The following SERPIND1 variants were observed in gnomAD, a reference collection of about 807,000 sequenced individuals.
SERPIND1 encodes the protein heparin cofactor 2.
A neutral mutation model predicts 35.0 loss-of-function variants in SERPIND1; 34 were observed. The ratio of observed to expected loss-of-function variants is 0.97; its 90% CI spans 0.74 to 1.29. The LOEUF is 1.29. Ranked by LOEUF, SERPIND1 falls within the 50% of genes most tolerant of loss-of-function variation. The probability of loss-of-function intolerance (pLI) is 0.00; values close to 1 mark genes in which losing one functional copy is unlikely to be tolerated. For synonymous variants in SERPIND1, 236 were observed against 241.1 expected (o/e 0.98, Z 0.19); for missense variants, 633 against 637.7 (o/e 0.99, Z 0.08).
At chr22:20,784,364 C>T (rs1223290543) in intron 3 of SERPIND1, 119 bp downstream of exon 3, 2 of 1,305,980 alleles carry the variant, frequency 1.5e-6, no homozygotes, top group Non-Finnish European at 2.2e-6. Flanking sequence ...CCAAGAACTT[C>T]CATACAGGGC....
rs900371210 is a variant in SERPIND1, at chr22:20,786,047, T to C, written c.1207T>C (p.Tyr403His). Residue 403 changes from tyrosine (Y) to histidine (H), a missense_variant, in exon 4 of 5, where the codon TAC becomes CAC. By Grantham distance (83) the Tyr-to-His change is moderately conservative. Transcript: ENST00000215727. ...GCCGAAATTCAAGCTGGAGAAGAAC[T>C]ACAATCTAGTGGAGTCCCTGAAGTT... is the stretch of plus-strand genomic sequence containing the variant. ...LLPKFKLEKN[Y>H]NLVESLKLMG... The C allele has an allele frequency of 5.6e-5, 90 of 1,614,026 alleles. No individual in the cohort carries two copies. The highest frequency in any genetic ancestry group is 7.2e-5 in the Non-Finnish European group (85 of 1,180,032).
Position 20,787,583 on chromosome 22 carries a change from A to G in SERPIND1, c.*517A>G, listed in dbSNP as rs1934353142. 1 of 180,418 alleles carries G rather than the reference A, an allele frequency of 5.5e-6. No individual in the cohort carries two copies. The highest frequency in any genetic ancestry group is 5.4e-5 in the Admixed American group (1 of 18,646). The allele number at this position is 180,418 out of a possible 1,614,324, so 11.2% of individuals were successfully genotyped here. ...TGCCCTGGGCTAATGTTAGGGCTTA[A>G]TTTTCTCAAAGCCTGACCTTTCAAA... On this transcript the variant is annotated 3_prime_UTR_variant, in exon 5 of 5. Coordinates refer to ENST00000215727, the MANE Select transcript of SERPIND1 (RefSeq NM_000185.4).
Position 20,779,724 on chromosome 22 carries a change from T to C in SERPIND1, c.412T>C (p.Tyr138His), listed in dbSNP as rs770608188. Residue 138 changes from tyrosine to histidine, a missense_variant, in exon 2 of 5, where the codon TAC (tyrosine) becomes CAC (histidine). Transcript: ENST00000215727. ...CAACGCCAAGTTCGCTTTCAACCTC[T>C]ACCGAGTGCTGAAAGACCAGGTCAA... Reference protein sequence around the residue: ...ILNAKFAFNLYRVLKDQVNTF... With the variant: ...ILNAKFAFNLHRVLKDQVNTF... The C allele has an allele frequency of 6.2e-7, 1 of 1,614,234 alleles. No individual in the cohort carries two copies. The highest frequency in any genetic ancestry group is 2.2e-5 in the East Asian group (1 of 44,886).
chr22:20,786,082 C>G lies in SERPIND1; in HGVS notation c.1242C>G (p.Ile414Met). The G allele has an allele frequency of 6.2e-7, 1 of 1,614,124 alleles. No individual in the cohort carries two copies. The highest frequency in any genetic ancestry group is 8.5e-7 in the Non-Finnish European group (1 of 1,180,016). The stretch of plus-strand genomic sequence containing the variant: ...TGGAGTCCCTGAAGTTGATGGGGAT[C>G]AGGATGCTGTTTGACAAAAATGGCA... ...NLVESLKLMGIRMLFDKNGNM... is the reference protein window; with the variant it reads ...NLVESLKLMGMRMLFDKNGNM... Residue 414 changes from isoleucine (I) to methionine (M), a missense_variant, in exon 4 of 5, where the codon ATC becomes ATG. Transcript: ENST00000215727.
At chr22:20,777,216 TTTC>T (rs939167406) in intron 1 of SERPIND1, among the ~76,000 whole-genome samples, 1 of 151,316 alleles carries the variant, frequency 6.6e-6, no homozygotes, top group Non-Finnish European at 1.5e-5. Flanking sequence ...TTATTTTTCT[TTTC>T]TTTTTTTTTT....
chr22:20,784,428 G>C (rs190970174), intron 3 of SERPIND1, among the ~76,000 whole-genome samples, 183 bp downstream of exon 3: 32 of 152,224 alleles, frequency 2.1e-4, no homozygotes, highest in Middle Eastern at 3.4e-3. Context: ...TGATTAGAGA[G>C]CATTCATAAG....
At chr22:20,775,843 T>TG (rs1055552704) in intron 1 of SERPIND1, among the ~76,000 whole-genome samples, 4 of 152,126 alleles carry the variant, frequency 2.6e-5, no homozygotes, top group Admixed American at 6.6e-5. Context: ...GGAGGACACT[T>TG]GAAGTGTAGT....
rs186996599 is a variant in SERPIND1 at position 20,779,848 on chromosome 22, C to T, written c.536C>T (p.Ser179Leu). Residue 179 changes from serine (S) to leucine (L), a missense_variant, in exon 2 of 5, where the codon TCG becomes TTG. Physicochemically the swap from Ser to Leu is moderately radical, Grantham distance 145 (BLOSUM62 -2). Transcript: ENST00000215727. ...GGAGAGACCCATGAACAAGTGCACT[C>T]GATTTTGCATTTTAAAGACTTTGTT... is the stretch of plus-strand genomic sequence containing the variant. ...LKGETHEQVH[S>L]ILHFKDFVNA... 1.1e-5 allele frequency: 17 copies of T among 1,614,170 alleles called. No homozygotes were observed. In the East Asian group the frequency reaches 1.1e-4, roughly 11 times the overall value.
Position 20,779,099 on chromosome 22 carries a change from G to GT in SERPIND1, c.-16-195dup, listed in dbSNP as rs1933534078. 6 of 1,281,846 alleles carry GT rather than the reference G, an allele frequency of 4.7e-6. No homozygotes were observed. The South Asian group carries it at 8.5e-5, about 18-fold the overall frequency. 79.4% of individuals were successfully genotyped at this position (1,281,846 alleles called of 1,614,324 possible). The stretch of plus-strand genomic sequence containing the variant: ...AGGGGCCCACAGATCCTTCATTGAG[G>GT]TTTATGAGTCCCACATCAAAGGTTG... On this transcript the variant is annotated intron_variant, in intron 1 of 4. Transcript: ENST00000215727.
Position 20,786,790 on chromosome 22 carries a change from T to C in SERPIND1, c.1309-85T>C, listed in dbSNP as rs576855585. 4.1e-4 allele frequency: 549 copies of C among 1,342,068 alleles called. 1 individual carries two copies. The highest frequency in any genetic ancestry group is 2.4e-4 in the Non-Finnish European group (227 of 934,060). 83.1% of individuals were successfully genotyped at this position (1,342,068 alleles called of 1,614,324 possible). A position where few individuals can be genotyped will look rare whatever the true frequency, so the allele number is the denominator to read the frequency against. On this transcript the variant is annotated intron_variant, in intron 4 of 4. Transcript: ENST00000215727. ...CCTTACATGTTGTCTTTGGATCCTT[T>C]CCCTGAATGATATGAGATTGTGCTG... is the stretch of plus-strand genomic sequence containing the variant.
In SERPIND1 at chr22:20,786,892, G is replaced by C. The variant is rs770881141; in HGVS notation, c.1326G>C (p.Thr442=). The change falls in exon 5 of 5, where the codon ACG becomes ACC. Residue 442 remains threonine (T), a synonymous_variant. Coordinates refer to ENST00000215727, the MANE Select transcript of SERPIND1 (RefSeq NM_000185.4). ...IAIDLFKHQG[T]ITVNEEGTQA... ...CCAAACAGTTCAAGCACCAAGGCAC[G>C]ATCACAGTGAACGAGGAAGGCACCC... 3.1e-6 allele frequency: 5 copies of C among 1,614,148 alleles called. No individual in the cohort carries two copies. The highest frequency in any genetic ancestry group is 3.4e-6 in the Non-Finnish European group (4 of 1,180,034).
In SERPIND1 at chr22:20,779,722, T is replaced by G; in HGVS notation, c.410T>G (p.Leu137Arg). The change falls in exon 2 of 5, where the codon CTC (leucine) becomes CGC (arginine). Residue 137 changes from leucine to arginine, a missense_variant. By Grantham distance (102) the Leu-to-Arg change is moderately radical. Transcript: ENST00000215727. ...CTCAACGCCAAGTTCGCTTTCAACC[T>G]CTACCGAGTGCTGAAAGACCAGGTC... ...NILNAKFAFN[L>R]YRVLKDQVNT... is the part of the protein sequence containing the mutation. 1 of 1,614,232 alleles carries G rather than the reference T, an allele frequency of 6.2e-7. No homozygotes were observed. Among genetic ancestry groups the G allele is most frequent in the Non-Finnish European group, 8.5e-7 (1 of 1,180,052 alleles).
At chr22:20,786,380 G>T (rs1420125305) in intron 4 of SERPIND1, among the ~76,000 whole-genome samples, 1 of 152,196 alleles carries the variant, frequency 6.6e-6, no homozygotes, top group Non-Finnish European at 1.5e-5. Context: ...GAGCAGCCAT[G>T]GGGTGAGCCC....
At chr22:20,774,877 C>G (rs530245238) in intron 1 of SERPIND1, among the ~76,000 whole-genome samples, 4 of 152,014 alleles carry the variant, frequency 2.6e-5, no homozygotes, top group African/African-American at 9.7e-5. Flanking sequence ...AGAACACACA[C>G]GTACGTACAC....
At chr22:20,776,730 A>T (rs1933315516) in intron 1 of SERPIND1, among the ~76,000 whole-genome samples, 1 of 152,146 alleles carries the variant, frequency 6.6e-6, no homozygotes, top group South Asian at 2.1e-4. Flanking sequence ...AGTGACAGTG[A>T]CGAAAGGCTC....
chr22:20,785,542 G>C (rs1934150394), intron 3 of SERPIND1, among the ~76,000 whole-genome samples: 1 of 152,184 alleles, frequency 6.6e-6, no homozygotes. Context: ...CGCCCCCTTA[G>C]GGATTGAGTA....
chr22:20,779,795 G>T lies in SERPIND1; in HGVS notation c.483G>T (p.Ala161=). 1.2e-6 allele frequency: 2 copies of T among 1,614,200 alleles called. No homozygotes were observed. The highest frequency in any genetic ancestry group is 1.7e-6 in the Non-Finnish European group (2 of 1,180,046). ...TAGCACCCGTTGGCATTTCTACTGC[G>T]ATGGGTATGATTTCCTTAGGTCTGA... ...IFIAPVGIST[A]MGMISLGLKG... is the part of the protein sequence containing the mutation. Residue 161 remains alanine (A), a synonymous_variant, in exon 2 of 5, where the codon GCG becomes GCT. Transcript: ENST00000215727.
chr22:20,779,718 A>G lies in SERPIND1; in HGVS notation c.406A>G (p.Asn136Asp). The change falls in exon 2 of 5, where the codon AAC becomes GAC. Residue 136 changes from asparagine to aspartate, a missense_variant. Coordinates refer to ENST00000215727, the MANE Select transcript of SERPIND1 (RefSeq NM_000185.4). Reference sequence around the variant, plus strand: ...CATCCTCAACGCCAAGTTCGCTTTCAACCTCTACCGAGTGCTGAAAGACCA... The same window carrying G: ...CATCCTCAACGCCAAGTTCGCTTTCGACCTCTACCGAGTGCTGAAAGACCA... Reference protein sequence around the residue: ...LNILNAKFAFNLYRVLKDQVN... With the variant: ...LNILNAKFAFDLYRVLKDQVN... 1 of 1,614,236 alleles carries G rather than the reference A, an allele frequency of 6.2e-7. No individual in the cohort carries two copies. Among genetic ancestry groups the G allele is most frequent in the Non-Finnish European group, 8.5e-7 (1 of 1,180,042 alleles).
chr22:20,780,328 T>C, intron 2 of SERPIND1, 127 bp downstream of exon 2: 1 of 1,443,210 alleles, frequency 6.9e-7, no homozygotes, highest in South Asian at 1.2e-5. Flanking sequence ...CAAGATTGAC[T>C]CTGGAACGGG....
Sources: gnomAD v4.1 joint callset for allele counts (sites outside exome capture counted in the v4.1 genomes callset) on GRCh38, gnomAD v4.1.1 for gene constraint, MANE v1.5 for transcripts, NCBI Gene and HGNC (gene_info 2026-07-23, HGNC 2026-07-21) for gene names.